Variants in UBAP2 observed in about 807,000 individuals in gnomAD.
The protein encoded by UBAP2 is ubiquitin-associated protein 2.
UBAP2 carries 75 observed loss-of-function variants against 139.6 expected under a neutral mutation model. The observed-to-expected ratio is 0.54, with a 90% CI of 0.45 to 0.65. The LOEUF is 0.65. Ranked by LOEUF, UBAP2 falls within the 30% of genes least tolerant of loss-of-function variation. UBAP2 has a pLI of 0.00. For missense variants in UBAP2, 1,368 were observed against 1,369.6 expected (o/e 1.00, Z 0.02); for synonymous variants, 526 against 526.2 (o/e 1.00, Z 0.01).
At chr9:33,984,523 T>G (rs1280906232) in intron 6 of UBAP2, among the ~76,000 whole-genome samples, 6 of 151,550 alleles carry the variant, frequency 4.0e-5, no homozygotes, top group African/African-American at 1.5e-4. Flanking sequence ...TTTTTTTCTT[T>G]AAATTAGCCA....
At chr9:33,955,187 A>G (rs1208384560) in intron 11 of UBAP2, among the ~76,000 whole-genome samples, 1 of 152,044 alleles carries the variant, frequency 6.6e-6, no homozygotes, top group Non-Finnish European at 1.5e-5. Flanking sequence ...CTGTCAAAAA[A>G]AAAAAAAAAC....
chr9:33,963,608 A>G (rs1402416084), intron 9 of UBAP2, 118 bp downstream of exon 9: 2 of 598,136 alleles, frequency 3.3e-6, no homozygotes, highest in Non-Finnish European at 5.8e-6. Flanking sequence ...AAATAGGTAT[A>G]GTTTACAAAC....
intron 1 of UBAP2, among the ~76,000 whole-genome samples, chr9:34,037,766 T>C (rs560182958): frequency 3.9e-4 from 59 of 152,174 alleles, no homozygotes; most frequent in South Asian, 2.7e-3. Context: ...AGTCACAATA[T>C]GTAAATACAC....
At chr9:34,004,221 A>T (rs1346818409) in intron 2 of UBAP2, among the ~76,000 whole-genome samples, 2 of 152,224 alleles carry the variant, frequency 1.3e-5, no homozygotes, top group Non-Finnish European at 2.9e-5. Flanking sequence ...TGAACTTTTT[A>T]AAAAAGCTTT....
In UBAP2 at chr9:33,922,739, T is replaced by C; in HGVS notation, c.3212A>G (p.His1071Arg). 6.4e-7 allele frequency: 1 copy of C among 1,553,430 alleles called. No homozygotes were observed. The highest frequency in any genetic ancestry group is 8.7e-7 in the Non-Finnish European group (1 of 1,150,428). Residue 1071 changes from histidine (H) to arginine (R), a missense_variant, in exon 28 of 29, where the codon CAC becomes CGC. Coordinates refer to ENST00000379238, the MANE Select transcript of UBAP2 (RefSeq NM_001370062.2). ...PPPFLHILPA[H>R]QQPHSQLLHH... The stretch of plus-strand genomic sequence containing the variant: ...CAGCAGCTGTGAGTGGGGCTGCTGG[T>C]GGGCTGGCAAGATGTGTAGGAATGG...
rs200223182 is a variant in UBAP2, at chr9:33,971,721, T to G, written c.609A>C (p.Thr203=). 3 of 1,611,998 alleles carry G rather than the reference T, an allele frequency of 1.9e-6. No individual in the cohort carries two copies. Among genetic ancestry groups the G allele is most frequent in the Non-Finnish European group, 2.5e-6 (3 of 1,178,054 alleles). ...TFNPADYSDS[T]STDVCGTKLV... ...GCTTTGTCCCACACACATCTGTAGA[T>G]GTAGAATCTGAATAGTCTGCAGGAT... Residue 203 remains threonine (T), a synonymous_variant, in exon 8 of 29, where the codon ACA becomes ACC. Coordinates refer to ENST00000379238, the MANE Select transcript of UBAP2 (RefSeq NM_001370062.2).
At chr9:33,953,608 AG>A in intron 11 of UBAP2, 134 bp from the exon 12 acceptor site, 1 of 825,792 alleles carries the variant, frequency 1.2e-6, no homozygotes, top group South Asian at 2.0e-5. Flanking sequence ...ATGGGGTTTA[AG>A]GGGGCAAAAG....
chr9:34,046,593 G>A (rs1299815033), intron 1 of UBAP2, among the ~76,000 whole-genome samples: 2 of 141,260 alleles, frequency 1.4e-5, no homozygotes, highest in African/African-American at 5.3e-5. Context: ...GCAGTGAGCC[G>A]AGATCAGGCC....
intron 2 of UBAP2, chr9:34,011,553 T>C (rs1043102536): frequency 1.1e-6 from 1 of 870,502 alleles, no homozygotes; most frequent in African/African-American, 1.8e-5. Context: ...AAAAAAATAA[T>C]TTTCTTTGAT....
chr9:34,006,806 A>G (rs974755923), intron 2 of UBAP2, among the ~76,000 whole-genome samples: 1 of 152,248 alleles, frequency 6.6e-6, no homozygotes, highest in African/African-American at 2.4e-5. Flanking sequence ...TATTGTTCTC[A>G]TAATTCCTTT....
At chr9:33,931,094 C>G (rs1223023875) in intron 19 of UBAP2, among the ~76,000 whole-genome samples, 1 of 152,144 alleles carries the variant, frequency 6.6e-6, no homozygotes, top group East Asian at 1.9e-4. Context: ...CAGTTGACCC[C>G]TGAACAACAC....
chr9:34,003,323 G>A (rs980411559), intron 2 of UBAP2, among the ~76,000 whole-genome samples: 1 of 150,626 alleles, frequency 6.6e-6, no homozygotes, highest in Non-Finnish European at 1.5e-5. Flanking sequence ...GCACCACTGT[G>A]GCAGGCTGAG....
At chr9:33,976,972 A>G (rs1027463431) in intron 6 of UBAP2, among the ~76,000 whole-genome samples, 1 of 148,048 alleles carries the variant, frequency 6.8e-6, no homozygotes, top group Non-Finnish European at 1.5e-5. Context: ...AGATGGCGCC[A>G]CTGCACTCCA....
intron 1 of UBAP2, among the ~76,000 whole-genome samples, chr9:34,046,205 G>A (rs1827562270): frequency 6.6e-6 from 1 of 151,694 alleles, no homozygotes; most frequent in African/African-American, 2.4e-5. Flanking sequence ...CTTTAGAGCA[G>A]GCATTAACCC....
chr9:33,963,867 T>C (rs879906300), intron 8 of UBAP2, 76 bp from the exon 9 acceptor site: 3 of 1,107,100 alleles, frequency 2.7e-6, no homozygotes, highest in Non-Finnish European at 2.8e-6. Context: ...AGATGGTCAC[T>C]GTCAAAGCTA....
chr9:34,022,269 C>T (rs570641320), intron 1 of UBAP2, among the ~76,000 whole-genome samples: 20 of 151,814 alleles, frequency 1.3e-4, no homozygotes, highest in African/African-American at 4.8e-4. Flanking sequence ...AAAAAAATCA[C>T]CTTCAGCACT....
chr9:33,971,820 A>G, intron 7 of UBAP2, 66 bp from the exon 8 acceptor site: 1 of 928,396 alleles, frequency 1.1e-6, no homozygotes, highest in Non-Finnish European at 1.8e-6. Flanking sequence ...AATATTAACC[A>G]TACATGATCT....
At chr9:33,986,695 G>T in intron 6 of UBAP2, 65 bp downstream of exon 6, 3 of 1,345,214 alleles carry the variant, frequency 2.2e-6, no homozygotes, top group Non-Finnish European at 3.2e-6. Flanking sequence ...TCACAGTCCA[G>T]CAACGCAACT....
intron 11 of UBAP2, among the ~76,000 whole-genome samples, chr9:33,954,445 G>C (rs1826381295): frequency 6.6e-6 from 1 of 152,020 alleles, no homozygotes; most frequent in South Asian, 2.1e-4. Context: ...CAAACTTCCT[G>C]TACCAACTCT....
Sources: allele counts gnomAD v4.1 joint callset (sites outside exome capture counted in the v4.1 genomes callset), GRCh38; gene constraint gnomAD v4.1.1; transcripts MANE v1.5; gene names NCBI Gene and HGNC (gene_info 2026-07-23, HGNC 2026-07-21).